The following NHS variants were observed in gnomAD, a reference collection of about 807,000 sequenced individuals.
NHS encodes the protein actin remodeling regulator NHS.
In NHS, 5 loss-of-function variants were observed where a neutral mutation model predicts 72.5. The observed-to-expected ratio is 0.07, with a 90% CI of 0.04 to 0.14. NHS has a LOEUF of 0.14. Among genes scored for constraint, NHS ranks in the 10% least tolerant of loss-of-function variants. NHS has a pLI of 1.00. For missense variants in NHS, 1,072 were observed against 1,355.7 expected, an observed-to-expected ratio of 0.79 and a Z score of 3.29; for synonymous variants, 464 against 547.7, an observed-to-expected ratio of 0.85 and a Z score of 2.13.
intron 1 of NHS, among the ~76,000 whole-genome samples, chrX:17,599,001 T>C (rs979404479): frequency 8.9e-6 from 1 of 112,183 alleles, no homozygotes; most frequent in African/African-American, 3.2e-5. Context: ...AGTGGAATAA[T>C]ACAGCCTACT....
chrX:17,471,573 A>T (rs2064892647), intron 1 of NHS, among the ~76,000 whole-genome samples: 1 of 112,869 alleles, frequency 8.9e-6, no homozygotes, highest in Admixed American at 9.4e-5. Flanking sequence ...ATCATTTGTT[A>T]ATTCCTTTAT....
chrX:17,595,931 T>C (rs761597600), intron 1 of NHS, among the ~76,000 whole-genome samples: 2 of 111,776 alleles, frequency 1.8e-5, no homozygotes, highest in South Asian at 7.5e-4. Flanking sequence ...AGTGAATTTA[T>C]ATGGCTCTAG....
chrX:17,424,966 C>T (rs1008782285), intron 1 of NHS, among the ~76,000 whole-genome samples: 7 of 111,527 alleles, frequency 6.3e-5, no homozygotes, highest in Admixed American at 2.8e-4. Flanking sequence ...GACCAATAGG[C>T]GACATATGGC....
intron 1 of NHS, among the ~76,000 whole-genome samples, chrX:17,483,070 G>A (rs2064953075): frequency 1.8e-5 from 2 of 111,344 alleles, no homozygotes; most frequent in Admixed American, 9.6e-5. Context: ...TAATAATAAC[G>A]ATAATAATAA....
At chrX:17,516,920 T>C (rs748423007) in intron 1 of NHS, among the ~76,000 whole-genome samples, 1 of 112,390 alleles carries the variant, frequency 8.9e-6, no homozygotes, top group Non-Finnish European at 1.9e-5. Flanking sequence ...TGGCATCAAG[T>C]TTGATGAAAG....
chrX:17,681,808 A>G (rs1365207415), intron 1 of NHS, among the ~76,000 whole-genome samples: 1 of 111,934 alleles, frequency 8.9e-6, no homozygotes, highest in East Asian at 2.8e-4. Flanking sequence ...AAATTGTTCT[A>G]GATCCTTTTA....
At chrX:17,551,805 G>A (rs1213800507) in intron 1 of NHS, among the ~76,000 whole-genome samples, 2 of 111,592 alleles carry the variant, frequency 1.8e-5, no homozygotes, top group East Asian at 5.6e-4. Flanking sequence ...CCCTGCAGTA[G>A]ACTGGGCCTG....
rs1372273044 is a variant in NHS, at chrX:17,692,377, C to A, written c.761C>A (p.Ala254Asp). ...GATCGCCGAGAGCAAAGAGCAGCTG[C>A]CCCCCTTTCCATTGCAGCTCCTCCA... is the stretch of plus-strand genomic sequence containing the variant. Reference protein sequence around the residue: ...RSDRREQRAAAPLSIAAPPLP... With the variant: ...RSDRREQRAADPLSIAAPPLP... Residue 254 changes from alanine to aspartate, a missense_variant, in exon 3 of 9, where the codon GCC becomes GAC. Coordinates refer to ENST00000676302, the MANE Select transcript of NHS (RefSeq NM_001291867.2). 8.3e-7 allele frequency: 1 copy of A among 1,208,180 alleles called. No homozygotes were observed. The highest frequency in any genetic ancestry group is 1.1e-6 in the Non-Finnish European group (1 of 894,713).
At chrX:17,551,028 G>A (rs1220004746) in intron 1 of NHS, among the ~76,000 whole-genome samples, 4 of 111,474 alleles carry the variant, frequency 3.6e-5, no homozygotes, top group Admixed American at 9.5e-5. Context: ...AGATATCCAC[G>A]TGGCTCCCTC....
chrX:17,586,056 T>C (rs2065574105), intron 1 of NHS: 1 of 110,815 alleles, frequency 9.0e-6, no homozygotes, highest in Non-Finnish European at 1.9e-5. Context: ...ATTCAAAAAG[T>C]CCAGTGGTAG....
intron 1 of NHS, among the ~76,000 whole-genome samples, chrX:17,568,919 G>C (rs753146621): frequency 9.1e-6 from 1 of 109,394 alleles, no homozygotes; most frequent in Non-Finnish European, 1.9e-5. Flanking sequence ...TGCGGTGTTT[G>C]GTTTTCTGAC....
intron 3 of NHS, among the ~76,000 whole-genome samples, chrX:17,705,047 G>A (rs2066288195): frequency 8.9e-6 from 1 of 112,254 alleles, no homozygotes; most frequent in Non-Finnish European, 1.9e-5. Flanking sequence ...GGATGGATAT[G>A]TGGCGTCAGC....
chrX:17,695,649 G>A (rs763423660), intron 3 of NHS, among the ~76,000 whole-genome samples: 1 of 111,376 alleles, frequency 9.0e-6, no homozygotes, highest in Admixed American at 9.5e-5. Flanking sequence ...AAAATTTCAA[G>A]GGACAAAGTG....
intron 1 of NHS, among the ~76,000 whole-genome samples, chrX:17,399,195 G>A (rs990429836): frequency 9.1e-6 from 1 of 109,832 alleles, no homozygotes; most frequent in African/African-American, 3.3e-5. Flanking sequence ...TCCACCTCCC[G>A]GGTTCAAGTG....
At chrX:17,432,029 T>A (rs186565901) in intron 1 of NHS, among the ~76,000 whole-genome samples, 92 of 112,312 alleles carry the variant, frequency 8.2e-4, no homozygotes, top group Non-Finnish European at 1.5e-3. Context: ...GAACTTGAAA[T>A]GCCTTGCTCT....
chrX:17,561,567 C>CGT (rs1347816595), intron 1 of NHS, among the ~76,000 whole-genome samples: 15 of 78,854 alleles, frequency 1.9e-4, no homozygotes, highest in Middle Eastern at 7.0e-3. Flanking sequence ...TGCGCGCGCG[C>CGT]GCGCGCGCAC....
intron 1 of NHS, among the ~76,000 whole-genome samples, chrX:17,676,226 T>A (rs2066079537): frequency 8.9e-6 from 1 of 112,062 alleles, no homozygotes; most frequent in Admixed American, 9.4e-5. Context: ...TTTCACATGC[T>A]TTTTCTGACC....
intron 1 of NHS, among the ~76,000 whole-genome samples, chrX:17,615,920 G>C (rs1159384100): frequency 9.0e-6 from 1 of 110,670 alleles, no homozygotes; most frequent in Non-Finnish European, 1.9e-5. Flanking sequence ...CCTTTATTGT[G>C]AGCTCAATTT....
intron 1 of NHS, among the ~76,000 whole-genome samples, chrX:17,574,583 G>T (rs760585154): frequency 1.8e-5 from 2 of 111,904 alleles, no homozygotes; most frequent in Admixed American, 9.4e-5. Context: ...GAAGTGTACC[G>T]CTCCTCCAGG....
Sources: gnomAD v4.1 joint callset for allele counts (sites outside exome capture counted in the v4.1 genomes callset) on GRCh38, gnomAD v4.1.1 for gene constraint, MANE v1.5 for transcripts, NCBI Gene and HGNC (gene_info 2026-07-23, HGNC 2026-07-21) for gene names.